ARHGAP32: variants seen among roughly 807,000 people sequenced by gnomAD.
ARHGAP32 encodes the protein Rho GTPase activating protein 32.
Under a neutral mutation model 186.5 loss-of-function variants are expected in ARHGAP32, and 51 were observed. That is an observed-to-expected ratio of 0.27 (90% CI 0.22 to 0.35). The LOEUF (loss-of-function observed/expected upper bound fraction) is 0.35, where lower values mean the gene tolerates loss of function less well. ARHGAP32 is among the 10% of genes least tolerant of loss of function. The pLI is 1.00. For missense variants in ARHGAP32, 2,186 were observed against 2,623.5 expected (o/e 0.83, Z 3.64); for synonymous variants, 950 against 964.3 (o/e 0.99, Z 0.27).
chr11:129,135,489 C>T (rs950387147), intron 2 of ARHGAP32, among the ~76,000 whole-genome samples: 4 of 152,272 alleles, frequency 2.6e-5, no homozygotes, highest in East Asian at 1.9e-4. Flanking sequence ...GAACGCTGGC[C>T]GGGCGTGGTG....
intron 5 of ARHGAP32, among the ~76,000 whole-genome samples, chr11:129,108,537 T>C (rs139300424): frequency 6.6e-6 from 1 of 152,162 alleles, no homozygotes; most frequent in South Asian, 2.1e-4. Flanking sequence ...AAGCACTAGT[T>C]GAGTTCAATA....
intron 18 of ARHGAP32, among the ~76,000 whole-genome samples, chr11:128,979,205 A>G (rs1945639033): frequency 6.6e-6 from 1 of 152,348 alleles, no homozygotes; most frequent in South Asian, 2.1e-4. Context: ...AGTGAAAATA[A>G]GACGTATCTG....
intron 11 of ARHGAP32, among the ~76,000 whole-genome samples, chr11:129,021,685 T>C (rs1298066935): frequency 6.6e-6 from 1 of 152,120 alleles, no homozygotes; most frequent in East Asian, 1.9e-4. Flanking sequence ...TTACACCTTT[T>C]TCCTGCTAAA....
At position 129,005,105 on chromosome 11, in the gene ARHGAP32, G is replaced by T. The variant is rs563136459; in HGVS notation, c.1046-6637C>A. Among the ~76,000 whole-genome samples, 4 of 152,100 alleles carry T rather than the reference G, an allele frequency of 2.6e-5. No homozygotes were observed. The South Asian group carries it at 8.3e-4, about 32-fold the overall frequency. On this transcript the variant is annotated intron_variant, in intron 11 of 22. Transcript: ENST00000682385. Reference sequence around the variant, plus strand: ...CTACCTTATACTCATTTTTAAGCTGGTAACAACACTGTTTGCATAGATAAA... The same window carrying T: ...CTACCTTATACTCATTTTTAAGCTGTTAACAACACTGTTTGCATAGATAAA...
chr11:129,014,080 A>G (rs1016643740), intron 11 of ARHGAP32, among the ~76,000 whole-genome samples: 4 of 152,244 alleles, frequency 2.6e-5, no homozygotes, highest in African/African-American at 9.6e-5. Flanking sequence ...AAAGCAAACC[A>G]TACTACTTTG....
chr11:129,221,470 T>C (rs776721921), intron 1 of ARHGAP32, among the ~76,000 whole-genome samples: 2 of 148,436 alleles, frequency 1.3e-5, no homozygotes, highest in East Asian at 2.0e-4. Flanking sequence ...AGCTTTGTAA[T>C]TGTCATTACT....
chr11:129,210,615 C>G (rs1371493264), intron 1 of ARHGAP32, among the ~76,000 whole-genome samples: 1 of 152,176 alleles, frequency 6.6e-6, no homozygotes, highest in African/African-American at 2.4e-5. Context: ...CTCTCAAATA[C>G]TTCCAAAAAC....
intron 10 of ARHGAP32, among the ~76,000 whole-genome samples, chr11:129,045,584 T>C (rs557982237): frequency 3.3e-5 from 5 of 152,366 alleles, no homozygotes; most frequent in Non-Finnish European, 7.3e-5. Context: ...CTTATACTTT[T>C]CTAATGAATA....
intron 10 of ARHGAP32, among the ~76,000 whole-genome samples, chr11:129,051,953 CAAAAAAAAAAAAA>C (rs36014500): frequency 3.8e-4 from 27 of 71,120 alleles, no homozygotes; most frequent in East Asian, 3.6e-3. Context: ...GATTCTGTCT[CAAAAAAAAAAAAA>C]AAAAAAAAAA....
At chr11:129,257,765 AT>A (rs556417829) in intron 1 of ARHGAP32, among the ~76,000 whole-genome samples, 42 of 151,902 alleles carry the variant, frequency 2.8e-4, no homozygotes, top group Admixed American at 2.4e-3. Context: ...TTCCTGACAA[AT>A]TTTTTTCAGA....
chr11:129,240,364 C>G (rs1944998668), intron 1 of ARHGAP32, among the ~76,000 whole-genome samples: 2 of 152,086 alleles, frequency 1.3e-5, no homozygotes, highest in South Asian at 2.1e-4. Context: ...TGCTGTTCCA[C>G]AAACACACTC....
chr11:129,178,159 G>A (rs1399802954), intron 1 of ARHGAP32, among the ~76,000 whole-genome samples: 3 of 151,774 alleles, frequency 2.0e-5, no homozygotes, highest in Non-Finnish European at 1.5e-5. Context: ...CAGACAAACA[G>A]AGAGCCAAAT....
At chr11:129,267,475 T>C (rs1945418381) in intron 1 of ARHGAP32, among the ~76,000 whole-genome samples, 1 of 152,188 alleles carries the variant, frequency 6.6e-6, no homozygotes, top group Non-Finnish European at 1.5e-5. Context: ...ACATTTTCTA[T>C]TTATCAGTTA....
At chr11:129,264,585 C>G (rs1945369255) in intron 1 of ARHGAP32, among the ~76,000 whole-genome samples, 1 of 152,036 alleles carries the variant, frequency 6.6e-6, no homozygotes, top group Non-Finnish European at 1.5e-5. Flanking sequence ...GAAACAGAAT[C>G]CTGAGTTAAG....
intron 1 of ARHGAP32, among the ~76,000 whole-genome samples, chr11:129,189,509 T>G (rs1054610830): frequency 2.6e-5 from 4 of 152,254 alleles, no homozygotes; most frequent in African/African-American, 9.6e-5. Flanking sequence ...TGCCTTATAT[T>G]CCTCCTTCTT....
intron 21 of ARHGAP32, chr11:128,973,671 G>T (rs1340206564): frequency 7.2e-6 from 4 of 556,376 alleles, no homozygotes; most frequent in African/African-American, 3.8e-5. Context: ...TTACAGAGAT[G>T]GGGGGGAAAA....
At chr11:129,201,861 T>C (rs1944459246) in intron 1 of ARHGAP32, among the ~76,000 whole-genome samples, 1 of 152,114 alleles carries the variant, frequency 6.6e-6, no homozygotes. Context: ...TGCACATCTG[T>C]AGACCCAGCT....
intron 11 of ARHGAP32, among the ~76,000 whole-genome samples, chr11:129,002,492 T>C (rs2134760589): frequency 6.6e-6 from 1 of 152,282 alleles, no homozygotes; most frequent in Admixed American, 6.5e-5. Flanking sequence ...AGTTTTTTGG[T>C]GGAGTATTTA....
At chr11:129,267,017 T>A (rs748185897) in intron 1 of ARHGAP32, among the ~76,000 whole-genome samples, 1 of 152,126 alleles carries the variant, frequency 6.6e-6, no homozygotes, top group Non-Finnish European at 1.5e-5. Context: ...GACACGCACA[T>A]GCAAACTTCA....
Sources: gnomAD v4.1 joint callset for allele counts (sites outside exome capture counted in the v4.1 genomes callset) on GRCh38, gnomAD v4.1.1 for gene constraint, MANE v1.5 for transcripts, NCBI Gene and HGNC (gene_info 2026-07-23, HGNC 2026-07-21) for gene names.